LRIG1: variants seen among roughly 807,000 people sequenced by gnomAD.
LRIG1 encodes leucine-rich repeats and immunoglobulin-like domains protein 1.
A neutral mutation model predicts 99.2 loss-of-function variants in LRIG1; 48 were observed. The ratio of observed to expected loss-of-function variants is 0.48; its 90% CI spans 0.38 to 0.62. LRIG1 has a LOEUF of 0.62. Among genes scored for constraint, LRIG1 ranks in the 20% least tolerant of loss-of-function variants. The pLI is 0.00. For missense variants in LRIG1, 1,646 were observed against 1,434.4 expected (o/e 1.15, Z -2.38); for synonymous variants, 772 against 596.1 (o/e 1.29, Z -4.30).
chr3:66,434,746 C>CA (rs1277975781), intron 3 of LRIG1, among the ~76,000 whole-genome samples: 4 of 105,262 alleles, frequency 3.8e-5, no homozygotes, highest in African/African-American at 8.5e-5. Context: ...GACTCTGTCT[C>CA]AAAAAAATTA....
At chr3:66,477,025 G>C (rs867485640) in intron 1 of LRIG1, among the ~76,000 whole-genome samples, 3 of 152,242 alleles carry the variant, frequency 2.0e-5, no homozygotes, top group African/African-American at 4.8e-5. Context: ...TGTTGAGTGA[G>C]AGCAGGCAAG....
At chr3:66,385,391 G>A (rs1701323365) in intron 13 of LRIG1, among the ~76,000 whole-genome samples, 1 of 152,178 alleles carries the variant, frequency 6.6e-6, no homozygotes, top group Admixed American at 6.5e-5. Flanking sequence ...CAGATCTCTT[G>A]GCTTATAGAG....
At chr3:66,483,493 T>C (rs1207392549) in intron 1 of LRIG1, among the ~76,000 whole-genome samples, 1 of 152,258 alleles carries the variant, frequency 6.6e-6, no homozygotes, top group Non-Finnish European at 1.5e-5. Context: ...CAGCTCCCTC[T>C]GGTCAAGGAA....
At chr3:66,456,417 C>T (rs1258908134) in intron 2 of LRIG1, among the ~76,000 whole-genome samples, 1 of 151,692 alleles carries the variant, frequency 6.6e-6, no homozygotes, top group Non-Finnish European at 1.5e-5. Flanking sequence ...CCCATCTCTA[C>T]AAAAAATTAG....
intron 3 of LRIG1, among the ~76,000 whole-genome samples, chr3:66,444,592 G>A (rs569907067): frequency 6.6e-6 from 1 of 152,310 alleles, no homozygotes; most frequent in South Asian, 2.1e-4. Flanking sequence ...AGCAGCAGTG[G>A]CATCATCACC....
At chr3:66,405,384 A>G (rs1368055466) in intron 8 of LRIG1, 106 bp from the exon 9 acceptor site, 1 of 856,602 alleles carries the variant, frequency 1.2e-6, no homozygotes, top group African/African-American at 1.7e-5. Flanking sequence ...GGGTGCATGC[A>G]CCCTGGAGGC....
intron 6 of LRIG1, among the ~76,000 whole-genome samples, chr3:66,412,499 T>A (rs1285850817): frequency 6.6e-6 from 1 of 152,216 alleles, no homozygotes; most frequent in Non-Finnish European, 1.5e-5. Flanking sequence ...TCAGTGGATG[T>A]CCCAATCTGC....
At chr3:66,476,374 TCTC>T (rs1559818571) in intron 1 of LRIG1, among the ~76,000 whole-genome samples, 3 of 151,958 alleles carry the variant, frequency 2.0e-5, no homozygotes, top group Non-Finnish European at 4.4e-5. Context: ...TCCCTTAGCC[TCTC>T]CTCTCCCCCA....
intron 4 of LRIG1, among the ~76,000 whole-genome samples, chr3:66,415,576 T>A (rs561061975): frequency 6.6e-6 from 1 of 152,336 alleles, no homozygotes; most frequent in African/African-American, 2.4e-5. Context: ...ATTTCTGTAA[T>A]TGTAAATGCC....
At position 66,406,498 on chromosome 3, in the gene LRIG1, G is replaced by A. The variant is rs143006197; in HGVS notation, c.1079+850C>T. On this transcript the variant is annotated intron_variant, in intron 8 of 18. Transcript: ENST00000273261. ...CTGGCAATGGCTCCACATTAAAGCC[G>A]GCTCTGCCAGGTGCAAGTGCAAAGG... 1,353 of 854,244 alleles carry A rather than the reference G, an allele frequency of 1.6e-3. 15 individuals carry two copies. Among genetic ancestry groups the A allele is most frequent in the African/African-American group, 0.015 (804 of 54,690 alleles). The allele number at this position is 854,244 out of a possible 1,614,324, so 52.9% of individuals were successfully genotyped here.
intron 1 of LRIG1, chr3:66,498,337 A>G (rs1186598886): frequency 6.6e-6 from 1 of 152,166 alleles, no homozygotes; most frequent in Non-Finnish European, 1.5e-5. Context: ...CAGAAAGCCT[A>G]AAGAAATAAC....
At chr3:66,494,338 AGT>A (rs1701180808) in intron 1 of LRIG1, among the ~76,000 whole-genome samples, 1 of 152,200 alleles carries the variant, frequency 6.6e-6, no homozygotes, top group Admixed American at 6.5e-5. Flanking sequence ...CTTAATGACG[AGT>A]GTGAGTTGGG....
intron 3 of LRIG1, among the ~76,000 whole-genome samples, chr3:66,426,703 T>G (rs965148324): frequency 2.6e-5 from 4 of 152,214 alleles, no homozygotes; most frequent in Non-Finnish European, 5.9e-5. Flanking sequence ...CTGGAGCCAG[T>G]GAAGATAGAT....
At chr3:66,446,921 G>C (rs1050265604) in intron 3 of LRIG1, among the ~76,000 whole-genome samples, 2 of 119,104 alleles carry the variant, frequency 1.7e-5, no homozygotes, top group Non-Finnish European at 3.3e-5. Context: ...AGAAGTGACT[G>C]TTGAAGGAGT....
intron 1 of LRIG1, among the ~76,000 whole-genome samples, chr3:66,475,432 C>A (rs1374775808): frequency 6.6e-6 from 1 of 152,194 alleles, no homozygotes; most frequent in East Asian, 1.9e-4. Context: ...AAAAGGCAGG[C>A]ACTCAGCTAT....
At chr3:66,404,419 TC>T (rs1157149693) in intron 9 of LRIG1, 4 of 1,215,874 alleles carry the variant, frequency 3.3e-6, no homozygotes, top group Middle Eastern at 3.1e-4. Flanking sequence ...ATGACTCTCG[TC>T]CCCTTCCTGC....
Position 66,403,699 on chromosome 3 carries a change from G to A in LRIG1, c.1160+1499C>T, listed in dbSNP as rs548204284. On this transcript the variant is annotated intron_variant, in intron 9 of 18. Transcript: ENST00000273261. ...CGACCCAGGGCCAGGCACACCTCAC[G>A]GGCCTTCTGTATTGAGACAGAGCCT... Among the ~76,000 whole-genome samples, 15 of 152,260 alleles carry A rather than the reference G, an allele frequency of 9.9e-5. No homozygotes were observed. The East Asian group carries it at 2.1e-3, about 22-fold the overall frequency.
chr3:66,388,325 CAA>C (rs1559770306), intron 12 of LRIG1, among the ~76,000 whole-genome samples: 1 of 150,396 alleles, frequency 6.6e-6, no homozygotes, highest in Admixed American at 6.6e-5. Context: ...GTCTGAGAAA[CAA>C]AGAAAAAAGA....
chr3:66,497,704 C>CAAAAAAA (rs71616223), intron 1 of LRIG1, among the ~76,000 whole-genome samples: 7 of 89,258 alleles, frequency 7.8e-5, no homozygotes, highest in East Asian at 4.0e-4. Flanking sequence ...GCACTGTTTA[C>CAAAAAAA]AAAAAAAAAA....
Sources: gnomAD v4.1 joint callset for allele counts (sites outside exome capture counted in the v4.1 genomes callset) on GRCh38, gnomAD v4.1.1 for gene constraint, MANE v1.5 for transcripts, NCBI Gene and HGNC (gene_info 2026-07-23, HGNC 2026-07-21) for gene names.